Variants in KYNU observed in about 807,000 individuals in gnomAD.
KYNU encodes kynureninase, also known as L-kynurenine hydrolase.
In KYNU, 54 loss-of-function variants were observed where a neutral mutation model predicts 59.2. That is an observed-to-expected ratio of 0.91 (90% confidence interval 0.73 to 1.14). The LOEUF is 1.14. KYNU is among the 50% of genes most tolerant of loss of function. The probability of loss-of-function intolerance (pLI) is 0.00; values close to 1 mark genes in which losing one functional copy is unlikely to be tolerated. For synonymous variants in KYNU, 177 were observed against 192.0 expected, an observed-to-expected ratio of 0.92 and a Z score of 0.65; for missense variants, 567 against 554.4, an observed-to-expected ratio of 1.02 and a Z score of -0.23.
intron 10 of KYNU, among the ~76,000 whole-genome samples, chr2:142,993,417 C>T (rs905089433): frequency 6.6e-6 from 1 of 151,966 alleles, no homozygotes; most frequent in Non-Finnish European, 1.5e-5. Flanking sequence ...GCTCTCCCTT[C>T]GCTCTGGGAA....
intron 4 of KYNU, among the ~76,000 whole-genome samples, chr2:142,938,758 A>G (rs916455639): frequency 1.3e-5 from 2 of 152,194 alleles, no homozygotes; most frequent in African/African-American, 4.8e-5. Context: ...AATTTTTTAA[A>G]AAAAGAAAAA....
chr2:143,015,638 GT>G (rs1353957404), intron 10 of KYNU, among the ~76,000 whole-genome samples: 1 of 151,866 alleles, frequency 6.6e-6, no homozygotes, highest in Non-Finnish European at 1.5e-5. Context: ...TTCTTCCTGG[GT>G]TTTTGTCCCT....
chr2:143,052,418 A>C lies in KYNU; in HGVS notation c.*10246A>C, dbSNP rs544704090. The C allele has an allele frequency of 6.6e-6, 1 of 152,362 alleles. No individual in the cohort carries two copies. The highest frequency in any genetic ancestry group is 1.9e-4 in the East Asian group (1 of 5,180). The allele number at this position is 152,362 out of a possible 1,614,324, so 9.4% of individuals were successfully genotyped here. On this transcript the variant is annotated 3_prime_UTR_variant, in exon 14 of 14. Coordinates refer to ENST00000264170, the MANE Select transcript of KYNU (RefSeq NM_003937.3). The stretch of plus-strand genomic sequence containing the variant: ...CTAAGACAATGAGGAAAATGTCTCC[A>C]GGGCATGTCAGAGACCTTTGTGGCA...
chr2:142,956,683 C>G (rs1684175218), intron 6 of KYNU, among the ~76,000 whole-genome samples: 1 of 152,216 alleles, frequency 6.6e-6, no homozygotes, highest in Non-Finnish European at 1.5e-5. Flanking sequence ...GTTTTCATAG[C>G]ATGCTAGCAT....
intron 1 of KYNU, among the ~76,000 whole-genome samples, chr2:142,881,904 C>CTTTTATT (rs1414429152): frequency 1.6e-5 from 2 of 127,076 alleles, no homozygotes; most frequent in African/African-American, 7.3e-5. Context: ...CCTGGCTTTT[C>CTTTTATT]TTTTCTTTTT....
At chr2:142,915,089 G>A (rs916790267) in intron 2 of KYNU, among the ~76,000 whole-genome samples, 1 of 152,176 alleles carries the variant, frequency 6.6e-6, no homozygotes, top group African/African-American at 2.4e-5. Context: ...CTGCAAAAGG[G>A]TCATACCTGA....
intron 10 of KYNU, among the ~76,000 whole-genome samples, chr2:142,997,964 A>G (rs575670405): frequency 6.6e-6 from 1 of 152,302 alleles, no homozygotes; most frequent in Non-Finnish European, 1.5e-5. Context: ...CATGCTTCAA[A>G]GATGTCTTTA....
chr2:142,951,505 G>T (rs932030207), intron 4 of KYNU, among the ~76,000 whole-genome samples: 8 of 152,166 alleles, frequency 5.3e-5, no homozygotes, highest in Non-Finnish European at 1.2e-4. Context: ...CAACCTGAGT[G>T]ACAAAATAAG....
chr2:142,909,389 G>A (rs919377346), intron 2 of KYNU, among the ~76,000 whole-genome samples: 4 of 151,978 alleles, frequency 2.6e-5, no homozygotes, highest in African/African-American at 9.7e-5. Context: ...TGGGATATAT[G>A]TGCAAGTTTG....
At chr2:142,900,302 G>A (rs1021749577) in intron 2 of KYNU, among the ~76,000 whole-genome samples, 8 of 152,186 alleles carry the variant, frequency 5.3e-5, no homozygotes, top group African/African-American at 1.9e-4. Flanking sequence ...AAACAGCAGT[G>A]GTGGATAGCA....
intron 2 of KYNU, among the ~76,000 whole-genome samples, chr2:142,915,351 T>C (rs1156821313): frequency 6.6e-6 from 1 of 152,190 alleles, no homozygotes; most frequent in Non-Finnish European, 1.5e-5. Context: ...CCTTTCTTTT[T>C]CCACTCCATT....
At chr2:143,035,740 C>T (rs192003923) in intron 12 of KYNU, among the ~76,000 whole-genome samples, 4 of 152,262 alleles carry the variant, frequency 2.6e-5, no homozygotes, top group Middle Eastern at 3.4e-3. Flanking sequence ...TGCAGGACTG[C>T]ACCACCACAC....
At chr2:142,893,118 A>G (rs77110246) in intron 2 of KYNU, among the ~76,000 whole-genome samples, 1 of 152,246 alleles carries the variant, frequency 6.6e-6, no homozygotes, top group Non-Finnish European at 1.5e-5. Context: ...AAATGCATGT[A>G]GGGTACAACT....
At chr2:142,926,340 C>T (rs1434706550) in intron 3 of KYNU, among the ~76,000 whole-genome samples, 1 of 151,766 alleles carries the variant, frequency 6.6e-6, no homozygotes. Flanking sequence ...ATTGTGAAAT[C>T]ATCTTTGCAA....
chr2:142,985,634 A>G (rs1209665597), intron 9 of KYNU, among the ~76,000 whole-genome samples: 10 of 151,878 alleles, frequency 6.6e-5, no homozygotes, highest in African/African-American at 2.4e-4. Flanking sequence ...TATTATTACA[A>G]TATTTTAGGA....
intron 10 of KYNU, among the ~76,000 whole-genome samples, chr2:142,998,020 T>A (rs1685593863): frequency 6.6e-6 from 1 of 152,196 alleles, no homozygotes; most frequent in South Asian, 2.1e-4. Context: ...TGAAACTACT[T>A]TTTTGGAATT....
At chr2:143,036,303 C>T (rs1686892536) in intron 12 of KYNU, among the ~76,000 whole-genome samples, 1 of 152,092 alleles carries the variant, frequency 6.6e-6, no homozygotes, top group South Asian at 2.1e-4. Flanking sequence ...GAGACAGGGT[C>T]ATTTATAACC....
chr2:142,942,926 G>A lies in KYNU; in HGVS notation c.374-11884G>A, dbSNP rs139771904. 7.3e-4 allele frequency among the ~76,000 whole-genome samples: 111 copies of A among 152,262 alleles called. 3 individuals are homozygous for A. The East Asian group carries it at 0.02, about 28-fold the overall frequency. On this transcript the variant is annotated intron_variant, in intron 4 of 13. Transcript: ENST00000264170. ...ACTGGAGATATGTGCATACTCACTT[G>A]AGGCATTCTTCCCTTACCAGCTGAA...
rs1338801401 is a variant in KYNU at position 143,055,676 on chromosome 2, AAGG to A, written c.*13506_*13508del. The A allele has an allele frequency of 6.6e-6, 1 of 151,684 alleles. No homozygotes were observed. The highest frequency in any genetic ancestry group is 6.6e-5 in the Admixed American group (1 of 15,162). 9.4% of individuals were successfully genotyped at this position (151,684 alleles called of 1,614,324 possible). A position where few individuals can be genotyped will look rare whatever the true frequency, so the allele number is the denominator to read the frequency against. ...GAAGGAAGGAAGGAAGGAAGGAAGG[AAGG>A]AAGGAAAGGGAGGAGAGGAGAGGAG... On this transcript the variant is annotated 3_prime_UTR_variant, in exon 14 of 14. Transcript: ENST00000264170.
Sources: gnomAD v4.1 joint callset for allele counts (sites outside exome capture counted in the v4.1 genomes callset) on GRCh38, gnomAD v4.1.1 for gene constraint, MANE v1.5 for transcripts, NCBI Gene and HGNC (gene_info 2026-07-23, HGNC 2026-07-21) for gene names.